The following TRPM3 variants were observed in gnomAD, a reference collection of about 807,000 sequenced individuals.
The protein encoded by TRPM3 is transient receptor potential cation channel subfamily M member 3, also known as long transient receptor potential channel 3.
A neutral mutation model predicts 181.2 loss-of-function variants in TRPM3; 77 were observed. The observed-to-expected ratio is 0.42, with a 90% CI of 0.35 to 0.51. The LOEUF (loss-of-function observed/expected upper bound fraction) is 0.51. Among genes scored for constraint, TRPM3 ranks in the 20% least tolerant of loss-of-function variants. TRPM3 has a pLI of 0.01. For missense variants in TRPM3, 1,759 were observed against 2,196.7 expected (o/e 0.80, Z 3.98); for synonymous variants, 745 against 796.4 (o/e 0.94, Z 1.09).
chr9:70,561,154 A>AT (rs1237776079), intron 22 of TRPM3, among the ~76,000 whole-genome samples: 11 of 152,108 alleles, frequency 7.2e-5, no homozygotes, highest in South Asian at 6.2e-4. Flanking sequence ...CATTTATCCT[A>AT]TTTTTTTTAT....
At chr9:70,857,375 T>G (rs1453558845) in intron 3 of TRPM3, among the ~76,000 whole-genome samples, 3 of 152,140 alleles carry the variant, frequency 2.0e-5, no homozygotes, top group Non-Finnish European at 4.4e-5. Flanking sequence ...AACGGAGGAC[T>G]GAACACTACA....
At chr9:71,140,472 C>T (rs2075030043) in intron 1 of TRPM3, among the ~76,000 whole-genome samples, 1 of 152,124 alleles carries the variant, frequency 6.6e-6, no homozygotes, top group Admixed American at 6.6e-5. Flanking sequence ...TCCAATTCTA[C>T]CTCTTCTTCT....
intron 18 of TRPM3, among the ~76,000 whole-genome samples, chr9:70,614,330 A>G (rs1462782346): frequency 6.6e-6 from 1 of 151,668 alleles, no homozygotes; most frequent in East Asian, 1.9e-4. Flanking sequence ...AAAAAAAAAA[A>G]AAAAGGCCAG....
intron 7 of TRPM3, chr9:70,776,087 G>A: frequency 5.2e-6 from 1 of 192,148 alleles, no homozygotes. Flanking sequence ...ATTTTCACAA[G>A]CCCTCTGGGT....
chr9:70,992,588 C>T (rs1281933106), intron 1 of TRPM3, among the ~76,000 whole-genome samples: 1 of 152,154 alleles, frequency 6.6e-6, no homozygotes, highest in Non-Finnish European at 1.5e-5. Context: ...CTGCACTGTA[C>T]AATACAGTAG....
chr9:70,962,369 T>C (rs1249738538), intron 1 of TRPM3, among the ~76,000 whole-genome samples: 1 of 152,132 alleles, frequency 6.6e-6, no homozygotes, highest in Non-Finnish European at 1.5e-5. Context: ...CACGGGCCTG[T>C]ACATCAGCAG....
chr9:70,779,929 C>T (rs2082148525), intron 7 of TRPM3, among the ~76,000 whole-genome samples: 1 of 152,070 alleles, frequency 6.6e-6, no homozygotes, highest in African/African-American at 2.4e-5. Flanking sequence ...TACTATATGC[C>T]ATAGAGCAGA....
At chr9:71,290,997 A>C (rs1015131140) in intron 1 of TRPM3, among the ~76,000 whole-genome samples, 9 of 152,168 alleles carry the variant, frequency 5.9e-5, no homozygotes, top group African/African-American at 2.2e-4. Flanking sequence ...AACTCTAAAA[A>C]CACAGATGAT....
chr9:70,828,783 C>T (rs1296227281), intron 5 of TRPM3, among the ~76,000 whole-genome samples: 11 of 149,868 alleles, frequency 7.3e-5, no homozygotes, highest in Non-Finnish European at 1.5e-4. Flanking sequence ...TTCCTTGCGA[C>T]GATCCTGCAA....
At chr9:70,701,739 AAGG>A (rs1328583430) in intron 8 of TRPM3, among the ~76,000 whole-genome samples, 4 of 152,212 alleles carry the variant, frequency 2.6e-5, no homozygotes, top group Admixed American at 1.3e-4. Context: ...CTAGATTCTT[AAGG>A]AGAACAGTTG....
At chr9:71,073,338 A>G (rs568639618) in intron 1 of TRPM3, among the ~76,000 whole-genome samples, 57 of 152,340 alleles carry the variant, frequency 3.7e-4, no homozygotes, top group African/African-American at 1.3e-3. Flanking sequence ...CTTGGCTATC[A>G]AGGCCAAAAG....
At chr9:71,249,592 A>G (rs1490377007) in intron 1 of TRPM3, among the ~76,000 whole-genome samples, 1 of 152,228 alleles carries the variant, frequency 6.6e-6, no homozygotes, top group Non-Finnish European at 1.5e-5. Flanking sequence ...ATTTTCTCAC[A>G]AATGTAAAGA....
At chr9:71,285,737 T>A (rs940073714) in intron 1 of TRPM3, among the ~76,000 whole-genome samples, 7 of 152,156 alleles carry the variant, frequency 4.6e-5, no homozygotes, top group Admixed American at 4.6e-4. Flanking sequence ...CTGCACACAT[T>A]TAGCTTGTTC....
rs1397956274 is a variant in TRPM3, at chr9:71,096,624, T to TCTCTCTCTCTCTCTCC, written c.177+24553_177+24554insGGAGAGAGAGAGAGAG. ...CTCTCTCTCTCTCTCTCTCTCTCTC[T>TCTCTCTCTCTCTCTCC]CCCCCTCTCCCTCAAATAAAATGTT... On this transcript the variant is annotated intron_variant, in intron 1 of 25. Coordinates refer to ENST00000677713, the MANE Select transcript of TRPM3 (RefSeq NM_001366145.2). Among the ~76,000 whole-genome samples the TCTCTCTCTCTCTCTCC allele has an allele frequency of 6.2e-4, 88 of 142,388 alleles. 2 individuals are homozygous for TCTCTCTCTCTCTCTCC. Among genetic ancestry groups the TCTCTCTCTCTCTCTCC allele is most frequent in the African/African-American group, 2.3e-3 (86 of 38,222 alleles). The allele number at this position is 142,388 out of a possible 152,430, so 93.4% of individuals were successfully genotyped here.
chr9:71,275,825 A>T (rs1456450173), intron 1 of TRPM3, among the ~76,000 whole-genome samples: 1 of 150,096 alleles, frequency 6.7e-6, no homozygotes, highest in Non-Finnish European at 1.5e-5. Context: ...CATAATGTAG[A>T]TCAATGGAGA....
intron 1 of TRPM3, among the ~76,000 whole-genome samples, chr9:70,933,034 G>A (rs547395970): frequency 6.6e-6 from 1 of 152,098 alleles, no homozygotes; most frequent in East Asian, 1.9e-4. Flanking sequence ...AAGAGAGGAT[G>A]GTTTCAAAAA....
intron 1 of TRPM3, among the ~76,000 whole-genome samples, chr9:71,162,438 G>A (rs534187365): frequency 4.8e-4 from 73 of 151,846 alleles, no homozygotes; most frequent in Admixed American, 8.6e-4. Flanking sequence ...TAGATCACTA[G>A]TTTTTCTGTA....
At chr9:70,594,745 C>T (rs983504033) in intron 21 of TRPM3, among the ~76,000 whole-genome samples, 8 of 152,192 alleles carry the variant, frequency 5.3e-5, no homozygotes, top group African/African-American at 1.9e-4. Context: ...CCAGGAATCT[C>T]ATCAGCTGTC....
chr9:70,623,179 A>T (rs774813325), intron 14 of TRPM3, among the ~76,000 whole-genome samples: 4 of 152,122 alleles, frequency 2.6e-5, no homozygotes, highest in Admixed American at 2.0e-4. Flanking sequence ...AGCCTGGCCA[A>T]CATGGCGAAA....
Sources: gnomAD v4.1 joint callset for allele counts (sites outside exome capture counted in the v4.1 genomes callset) on GRCh38, gnomAD v4.1.1 for gene constraint, MANE v1.5 for transcripts, NCBI Gene and HGNC (gene_info 2026-07-23, HGNC 2026-07-21) for gene names.